NDE1: variants seen among roughly 807,000 people sequenced by gnomAD.
NDE1 encodes nudE neurodevelopment protein 1, also known as nuclear distribution protein nudE homolog 1.
In NDE1, 28 loss-of-function variants were observed where a neutral mutation model predicts 43.4. The ratio of observed to expected loss-of-function variants is 0.65; its 90% CI spans 0.48 to 0.89. NDE1 has a LOEUF of 0.89. Among genes scored for constraint, NDE1 ranks in the 40% least tolerant of loss-of-function variants. NDE1 has a pLI of 0.00. For missense variants in NDE1, 441 were observed against 434.1 expected, an observed-to-expected ratio of 1.02 and a Z score of -0.14; for synonymous variants, 184 against 172.0, an observed-to-expected ratio of 1.07 and a Z score of -0.55.
Position 15,667,447 on chromosome 16 carries a change from G to A in NDE1, c.237+8G>A, listed in dbSNP as rs199736746. The A allele has an allele frequency of 5.3e-5, 86 of 1,613,502 alleles. No individual in the cohort carries two copies. The highest frequency in any genetic ancestry group is 6.7e-5 in the Non-Finnish European group (79 of 1,179,850). ...GAGCTGGAAACCATCAAGGTGAGGG[G>A]CTGAGAGGAAGTGTGCTCAGGTGTA... On this transcript the variant is annotated splice_region_variant and intron_variant, in intron 3 of 8. Transcript: ENST00000396354.
At chr16:15,674,160 A>C (rs887577948) in intron 3 of NDE1, among the ~76,000 whole-genome samples, 1 of 152,048 alleles carries the variant, frequency 6.6e-6, no homozygotes, top group African/African-American at 2.4e-5. Flanking sequence ...TTCTTTGGTA[A>C]TTAACAAGAT....
intron 8 of NDE1, among the ~76,000 whole-genome samples, chr16:15,712,685 C>T (rs2039871285): frequency 6.6e-6 from 1 of 151,854 alleles, no homozygotes; most frequent in African/African-American, 2.4e-5. Flanking sequence ...AGGGACAACC[C>T]CACAGGTCGG....
At chr16:15,687,300 C>T (rs1274149402) in intron 4 of NDE1, 75 bp from the exon 5 acceptor site, 2 of 1,610,568 alleles carry the variant, frequency 1.2e-6, no homozygotes, top group South Asian at 1.1e-5. Flanking sequence ...TGACCCTTCG[C>T]ACCTCCTGGA....
At chr16:15,688,167 C>A (rs1021073496) in intron 5 of NDE1, among the ~76,000 whole-genome samples, 2 of 151,822 alleles carry the variant, frequency 1.3e-5, no homozygotes, top group Non-Finnish European at 2.9e-5. Flanking sequence ...CAGAGTGAGA[C>A]CCTGTCTCTT....
intron 2 of NDE1, among the ~76,000 whole-genome samples, chr16:15,665,653 C>G (rs1318351583): frequency 6.6e-6 from 1 of 151,824 alleles, no homozygotes; most frequent in South Asian, 2.1e-4. Context: ...CCATGCTGGT[C>G]AGGCTGGTCT....
intron 3 of NDE1, among the ~76,000 whole-genome samples, chr16:15,676,136 G>GTCTCCCTTCCTCTCTCCTCTC (rs2037860330): frequency 2.0e-5 from 3 of 147,098 alleles, no homozygotes; most frequent in Non-Finnish European, 4.5e-5. Flanking sequence ...TCTCTCCTCT[G>GTCTCCCTTCCTCTCTCCTCTC]TCTCCCTTCC....
At chr16:15,717,089 G>A in intron 8 of NDE1, 1 of 1,583,492 alleles carries the variant, frequency 6.3e-7, no homozygotes, top group Non-Finnish European at 8.7e-7. Context: ...TATGACTCCT[G>A]CTGTCCATCA....
chr16:15,656,313 A>G (rs924900045), intron 1 of NDE1, among the ~76,000 whole-genome samples: 1 of 152,004 alleles, frequency 6.6e-6, no homozygotes, highest in East Asian at 1.9e-4. Flanking sequence ...AAGATTTTGC[A>G]GGCTGTGATA....
chr16:15,698,336 G>A (rs1221781148), intron 8 of NDE1, among the ~76,000 whole-genome samples: 2 of 151,346 alleles, frequency 1.3e-5, no homozygotes, highest in African/African-American at 2.4e-5. Flanking sequence ...GGTTGAGGCC[G>A]CAGTGAGCCG....
chr16:15,688,521 T>G (rs975404094), intron 5 of NDE1, among the ~76,000 whole-genome samples: 3 of 149,938 alleles, frequency 2.0e-5, no homozygotes, highest in African/African-American at 7.4e-5. Flanking sequence ...CAATCCCAGC[T>G]GCTCAGGAGG....
intron 1 of NDE1, among the ~76,000 whole-genome samples, chr16:15,660,610 C>T (rs1282878384): frequency 1.3e-5 from 2 of 152,124 alleles, no homozygotes; most frequent in Non-Finnish European, 1.5e-5. Flanking sequence ...AGAATTCCAT[C>T]GCTTTCCTCT....
intron 1 of NDE1, among the ~76,000 whole-genome samples, chr16:15,664,196 CT>C (rs2037186867): frequency 1.3e-5 from 2 of 152,168 alleles, no homozygotes; most frequent in African/African-American, 4.8e-5. Flanking sequence ...ATGTGGCTCC[CT>C]AGGTCCTTTA....
upstream of NDE1, among the ~76,000 whole-genome samples, chr16:15,646,056 T>G (rs904375713): frequency 1.3e-5 from 2 of 152,256 alleles, no homozygotes; most frequent in Non-Finnish European, 2.9e-5. Context: ...GACAAACCTA[T>G]TTCCCTAAAT....
At chr16:15,707,000 A>AC (rs1039060728) in intron 8 of NDE1, among the ~76,000 whole-genome samples, 45 of 151,926 alleles carry the variant, frequency 3.0e-4, no homozygotes, top group Admixed American at 9.9e-4. Context: ...GAACTAAGGG[A>AC]CCCCCCTAAA....
intron 2 of NDE1, among the ~76,000 whole-genome samples, chr16:15,666,314 C>G (rs189033923): frequency 6.6e-6 from 1 of 152,084 alleles, no homozygotes; most frequent in Admixed American, 6.6e-5. Context: ...TAGTTTCTTT[C>G]ATTTATTGAA....
intron 8 of NDE1, chr16:15,718,253 G>T: frequency 6.2e-7 from 1 of 1,602,724 alleles, no homozygotes. Flanking sequence ...GTTGACTGGT[G>T]CAGGATCCTG....
intron 6 of NDE1, among the ~76,000 whole-genome samples, chr16:15,692,995 C>G (rs975028487): frequency 1.4e-5 from 2 of 147,400 alleles, no homozygotes; most frequent in Non-Finnish European, 3.0e-5. Flanking sequence ...CCTGAAATTT[C>G]TTTCTCTCTT....
intron 3 of NDE1, 87 bp from the exon 4 acceptor site, chr16:15,677,714 G>C (rs977619410): frequency 6.7e-6 from 10 of 1,488,454 alleles, no homozygotes; most frequent in Admixed American, 1.8e-5. Context: ...CTCCCGAGTA[G>C]CTGTGACTCC....
rs762926446 is a variant in NDE1 at position 15,694,177 on chromosome 16, C to G, written c.716C>G (p.Ser239Cys). The change falls in exon 7 of 9, where the codon TCC (serine) becomes TGC (cysteine). Residue 239 changes from serine to cysteine, a missense_variant. Ser to Cys is a moderately radical substitution (Grantham distance 112). Coordinates refer to ENST00000396354, the MANE Select transcript of NDE1 (RefSeq NM_017668.3). ...PGSFRRGLDD[S>C]TGGTPLTPAA... ...TTTGCACACCCAGGCCTGGACGACT[C>G]CACCGGGGGGACCCCCCTCACACCT... The G allele has an allele frequency of 1.2e-6, 2 of 1,612,830 alleles. No individual in the cohort carries two copies. Among genetic ancestry groups the G allele is most frequent in the East Asian group, 2.2e-5 (1 of 44,858 alleles).
Sources: gnomAD v4.1 joint callset for allele counts (sites outside exome capture counted in the v4.1 genomes callset) on GRCh38, gnomAD v4.1.1 for gene constraint, MANE v1.5 for transcripts, NCBI Gene and HGNC (gene_info 2026-07-23, HGNC 2026-07-21) for gene names.